The following MIER1 variants were observed in gnomAD, a reference collection of about 807,000 sequenced individuals.
MIER1 encodes MIER1 transcriptional regulator.
MIER1 carries 40 observed loss-of-function variants against 75.7 expected under a neutral mutation model. The observed-to-expected ratio is 0.53, with a 90% CI of 0.41 to 0.69. The LOEUF (loss-of-function observed/expected upper bound fraction) is 0.69. Ranked by LOEUF, MIER1 falls within the 30% of genes least tolerant of loss-of-function variation. MIER1 has a pLI of 0.00. For missense variants in MIER1, 574 were observed against 680.2 expected (o/e 0.84, Z 1.74); for synonymous variants, 213 against 223.4 (o/e 0.95, Z 0.42).
intron 7 of MIER1, among the ~76,000 whole-genome samples, chr1:66,962,224 T>C (rs1316411561): frequency 6.6e-6 from 1 of 152,226 alleles, no homozygotes; most frequent in African/African-American, 2.4e-5. Flanking sequence ...TGTATAGATA[T>C]GATTACTGGA....
At chr1:66,952,319 A>G (rs1659156343) in intron 4 of MIER1, among the ~76,000 whole-genome samples, 1 of 152,236 alleles carries the variant, frequency 6.6e-6, no homozygotes, top group East Asian at 1.9e-4. Flanking sequence ...AATTCTCTGG[A>G]ACAGGTGACT....
At chr1:66,976,298 G>C (rs969112101) in intron 11 of MIER1, among the ~76,000 whole-genome samples, 15 of 152,154 alleles carry the variant, frequency 9.9e-5, no homozygotes, top group African/African-American at 3.6e-4. Flanking sequence ...CACCGTGCCC[G>C]GCCAACTTCC....
chr1:66,964,730 G>A (rs974195726), intron 8 of MIER1, among the ~76,000 whole-genome samples: 1 of 152,118 alleles, frequency 6.6e-6, no homozygotes, highest in African/African-American at 2.4e-5. Context: ...GGGATTATAG[G>A]CATGAGCCAC....
At position 66,984,611 on chromosome 1, in the gene MIER1, A is replaced by C. The variant is rs769026931; in HGVS notation, c.1409A>C (p.Glu470Ala). The change falls in exon 14 of 14, where the codon GAG becomes GCG. Residue 470 changes from glutamate to alanine, a missense_variant. Around this residue, in one of 3 missense-constraint regions of MIER1, gnomAD observed 164 missense variants for 154.3 expected, o/e 1.06. Coordinates refer to ENST00000401041, the MANE Select transcript of MIER1 (RefSeq NM_001077700.3). Reference sequence around the variant, plus strand: ...GGACCAGGTGAAATATTAAACAAAGAGGAAGTAAAAGTTGAAGGGTTACAC... The same window carrying C: ...GGACCAGGTGAAATATTAAACAAAGCGGAAGTAAAAGTTGAAGGGTTACAC... ...SNGPGEILNK[E>A]EVKVEGLHIN... 6.2e-7 allele frequency: 1 copy of C among 1,609,010 alleles called. No individual in the cohort carries two copies. Among genetic ancestry groups the C allele is most frequent in the African/African-American group, 1.3e-5 (1 of 74,736 alleles).
At position 66,986,158 on chromosome 1, in the gene MIER1, A is replaced by T. The variant is rs546964135; in HGVS notation, c.*1258A>T. On this transcript the variant is annotated 3_prime_UTR_variant, in exon 14 of 14. Coordinates refer to ENST00000401041, the MANE Select transcript of MIER1 (RefSeq NM_001077700.3). ...GAAAGTGAAGTTTGAAAACTTTTCA[A>T]ACTTTTCTAGTTACAATCCAATTTT... The T allele has an allele frequency of 5.9e-6, 7 of 1,191,934 alleles. No homozygotes were observed. The highest frequency in any genetic ancestry group is 7.3e-6 in the Non-Finnish European group (7 of 962,794). 73.8% of individuals were successfully genotyped at this position (1,191,934 alleles called of 1,614,324 possible).
chr1:66,967,621 C>A (rs1662687287), intron 8 of MIER1, among the ~76,000 whole-genome samples: 1 of 151,102 alleles, frequency 6.6e-6, no homozygotes, highest in South Asian at 2.1e-4. Flanking sequence ...TTCTTTGAAT[C>A]CATGAATGTG....
intron 12 of MIER1, among the ~76,000 whole-genome samples, chr1:66,979,327 T>G (rs1401353866): frequency 2.6e-5 from 4 of 152,200 alleles, no homozygotes; most frequent in Non-Finnish European, 5.9e-5. Flanking sequence ...GAAATTTGAG[T>G]GAATTTTCTC....
At chr1:66,977,265 A>G (rs1664906151) in intron 12 of MIER1, among the ~76,000 whole-genome samples, 3 of 152,062 alleles carry the variant, frequency 2.0e-5, no homozygotes, top group Admixed American at 1.3e-4. Context: ...GCCTGCCATG[A>G]CGCCTGGCTA....
intron 13 of MIER1, among the ~76,000 whole-genome samples, chr1:66,983,767 GC>G (rs1355491269): frequency 2.6e-5 from 4 of 152,024 alleles, no homozygotes; most frequent in African/African-American, 9.7e-5. Context: ...TCGCTTTGTC[GC>G]CCAGGCTGGA....
intron 12 of MIER1, among the ~76,000 whole-genome samples, chr1:66,978,073 A>G (rs941640380): frequency 5.3e-5 from 8 of 151,846 alleles, no homozygotes; most frequent in Admixed American, 2.0e-4. Context: ...GTGCACGCCT[A>G]TAGTCTCAGC....
At position 66,987,040 on chromosome 1, in the gene MIER1, C is replaced by A. The variant is rs58180044; in HGVS notation, c.*2140C>A. On this transcript the variant is annotated 3_prime_UTR_variant, in exon 14 of 14. Transcript: ENST00000401041. ...TCTTACTACAGAAATGTTTTAAATA[C>A]ATTCTCAGGCATGTTTGCAAAAATA... The A allele has an allele frequency of 0.077, 11,679 of 151,642 alleles. 6 individuals carry two copies. The highest frequency in any genetic ancestry group is 0.16 in the African/African-American group (6,622 of 41,118). The allele number at this position is 151,642 out of a possible 1,614,324, so 9.4% of individuals were successfully genotyped here. A position where few individuals can be genotyped will look rare whatever the true frequency, so the allele number is the denominator to read the frequency against.
rs2102168415 is a variant in MIER1, at chr1:66,986,658, CACTTG to C, written c.*1763_*1767del. 3.8e-6 allele frequency: 2 copies of C among 525,682 alleles called. No individual in the cohort carries two copies. Among genetic ancestry groups the C allele is most frequent in the South Asian group, 3.0e-5 (1 of 33,316 alleles). 32.6% of individuals were successfully genotyped at this position (525,682 alleles called of 1,614,324 possible). ...AACAGTGTTAAAAGCCACTTTGCAA[CACTTG>C]ACTTCATCTTAATGTACATTCACTG... is the stretch of plus-strand genomic sequence containing the variant. On this transcript the variant is annotated 3_prime_UTR_variant, in exon 14 of 14. Coordinates refer to ENST00000401041, the MANE Select transcript of MIER1 (RefSeq NM_001077700.3).
chr1:66,986,058 G>A lies in MIER1; in HGVS notation c.*1158G>A, dbSNP rs191997152. ...ATTTCTGCATTAAATAAACAGAGGAGGGGGGTCAAGTGATACTTAGATATT... is the reference window on the plus strand; with the variant it reads ...ATTTCTGCATTAAATAAACAGAGGAAGGGGGTCAAGTGATACTTAGATATT... On this transcript the variant is annotated 3_prime_UTR_variant, in exon 14 of 14. Transcript: ENST00000401041. 14 of 1,015,454 alleles carry A rather than the reference G, an allele frequency of 1.4e-5. No individual in the cohort carries two copies. The highest frequency in any genetic ancestry group is 9.5e-5 in the East Asian group (1 of 10,552). 62.9% of individuals were successfully genotyped at this position (1,015,454 alleles called of 1,614,324 possible). A position where few individuals can be genotyped will look rare whatever the true frequency, so the allele number is the denominator to read the frequency against.
At chr1:66,963,026 A>C (rs1248001626) in intron 7 of MIER1, 62 bp from the exon 8 acceptor site, 1 of 1,171,080 alleles carries the variant, frequency 8.5e-7, no homozygotes, top group Non-Finnish European at 1.3e-6. Flanking sequence ...TGGTAAGGCT[A>C]GAAAATGGAT....
chr1:66,979,656 T>C (rs2102028959), intron 12 of MIER1, among the ~76,000 whole-genome samples: 1 of 152,326 alleles, frequency 6.6e-6, no homozygotes, highest in Middle Eastern at 3.4e-3. Flanking sequence ...ATGCTATTAA[T>C]CTTTAGGAAA....
chr1:66,976,888 C>T (rs115288513), intron 12 of MIER1, among the ~76,000 whole-genome samples, 166 bp downstream of exon 12: 1 of 152,064 alleles, frequency 6.6e-6, no homozygotes, highest in African/African-American at 2.4e-5. Flanking sequence ...TTAAACTTTA[C>T]CATCTATTAT....
Position 66,938,152 on chromosome 1 carries a change from TTAAC to T in MIER1, c.169-1873_169-1870del, listed in dbSNP as rs1342449218. 1.6e-4 allele frequency among the ~76,000 whole-genome samples: 24 copies of T among 152,324 alleles called. No homozygotes were observed. The East Asian group carries it at 1.9e-3, about 12-fold the overall frequency. On this transcript the variant is annotated intron_variant, in intron 2 of 13. Transcript: ENST00000401041. ...AGTGTTTGCAGCCTTTTTCAGAACT[TTAAC>T]TATTTACCAATGAAGCAACAATCAG...
intron 2 of MIER1, among the ~76,000 whole-genome samples, chr1:66,933,985 AGT>A (rs1404548799): frequency 6.6e-6 from 1 of 152,186 alleles, no homozygotes; most frequent in Non-Finnish European, 1.5e-5. Flanking sequence ...AATTCATTGC[AGT>A]GATTAAATTG....
intron 8 of MIER1, 87 bp from the exon 9 acceptor site, chr1:66,970,721 C>A: frequency 3.0e-6 from 3 of 1,010,284 alleles, no homozygotes; most frequent in Non-Finnish European, 4.2e-6. Flanking sequence ...CAACATTTGG[C>A]TCTGAGTTGT....
Sources: gnomAD v4.1 joint callset for allele counts (sites outside exome capture counted in the v4.1 genomes callset) on GRCh38, gnomAD v4.1.1 for gene constraint, gnomAD v4.1.1 regional missense constraint, MANE v1.5 for transcripts, NCBI Gene and HGNC (gene_info 2026-07-23, HGNC 2026-07-21) for gene names.